Variants in SERGEF observed in about 807,000 individuals in gnomAD.
The protein encoded by SERGEF is secretion regulating guanine nucleotide exchange factor.
SERGEF carries 51 observed loss-of-function variants against 50.0 expected under a neutral mutation model. The observed-to-expected ratio is 1.02, with a 90% CI of 0.81 to 1.29. The LOEUF is 1.29. Among genes scored for constraint, SERGEF ranks in the 50% most tolerant of loss-of-function variants. SERGEF has a pLI of 0.00. For synonymous variants in SERGEF, 205 were observed against 212.4 expected (o/e 0.97, Z 0.30); for missense variants, 521 against 557.0 (o/e 0.94, Z 0.65).
At chr11:18,005,801 T>C (rs966117777) in intron 3 of SERGEF, among the ~76,000 whole-genome samples, 1 of 152,088 alleles carries the variant, frequency 6.6e-6, no homozygotes, top group Non-Finnish European at 1.5e-5. Flanking sequence ...TCCTGCTACC[T>C]GGCTTCACAA....
At chr11:17,950,666 C>G (rs1852758235) in intron 9 of SERGEF, among the ~76,000 whole-genome samples, 2 of 152,136 alleles carry the variant, frequency 1.3e-5, no homozygotes, top group South Asian at 4.1e-4. Flanking sequence ...CCCTGACAAG[C>G]CAATTCATGT....
chr11:18,006,746 T>C lies in SERGEF; in HGVS notation c.197A>G (p.Asp66Gly). The change falls in exon 3 of 11, where the codon GAT becomes GGT. Residue 66 changes from aspartate to glycine, a missense_variant and splice_region_variant. By Grantham distance (94) the Asp-to-Gly change is moderately conservative. Coordinates refer to ENST00000265965, the MANE Select transcript of SERGEF (RefSeq NM_012139.4). ...GCCACAAACAAAGAGGTCTCCTCCA[T>C]CTGCAAAATATAAAGGCATCAGTGA... ...GGGGHSAVVT[D>G]GGDLFVCGLN... 6.2e-7 allele frequency: 1 copy of C among 1,614,040 alleles called. No homozygotes were observed. Among genetic ancestry groups the C allele is most frequent in the African/African-American group, 1.3e-5 (1 of 75,028 alleles).
In SERGEF at chr11:17,888,516, C is replaced by T. The variant is rs903338257; in HGVS notation, c.1012-10272G>A. On this transcript the variant is annotated intron_variant, in intron 9 of 10. Coordinates refer to ENST00000265965, the MANE Select transcript of SERGEF (RefSeq NM_012139.4). The surrounding 1 kb of genome is among the most constrained non-coding windows in gnomAD (Gnocchi z 4.1). ...GGAAATATATGAATGTTGCTAGGAGCCAGAATGCTCACTGTAGTTGAAGGA... is the reference window on the plus strand; with the variant it reads ...GGAAATATATGAATGTTGCTAGGAGTCAGAATGCTCACTGTAGTTGAAGGA... 3.3e-5 allele frequency among the ~76,000 whole-genome samples: 5 copies of T among 151,780 alleles called. No individual in the cohort carries two copies. The highest frequency in any genetic ancestry group is 7.4e-5 in the Non-Finnish European group (5 of 67,992).
intron 10 of SERGEF, among the ~76,000 whole-genome samples, chr11:17,859,305 T>C (rs1341079528): frequency 6.6e-6 from 1 of 151,996 alleles, no homozygotes; most frequent in African/African-American, 2.4e-5. Flanking sequence ...GGATTAAAAA[T>C]AAGAAAGAAC....
Position 17,888,507 on chromosome 11 carries a change from T to C in SERGEF, c.1012-10263A>G, listed in dbSNP as rs982854275. On this transcript the variant is annotated intron_variant, in intron 9 of 10. Transcript: ENST00000265965. This position sits in a 1 kb window ranked among gnomAD's most constrained non-coding sequence, Gnocchi z 4.1. ...TGCAAATGAGGAAATATATGAATGTTGCTAGGAGCCAGAATGCTCACTGTA... is the reference window on the plus strand; with the variant it reads ...TGCAAATGAGGAAATATATGAATGTCGCTAGGAGCCAGAATGCTCACTGTA... 3.3e-5 allele frequency among the ~76,000 whole-genome samples: 5 copies of C among 152,162 alleles called. No homozygotes were observed. Among genetic ancestry groups the C allele is most frequent in the Admixed American group, 3.3e-4 (5 of 15,280 alleles).
chr11:17,970,288 C>T (rs1853219250), intron 8 of SERGEF, among the ~76,000 whole-genome samples: 1 of 152,132 alleles, frequency 6.6e-6, no homozygotes, highest in Admixed American at 6.6e-5. Context: ...GATCTGTAAT[C>T]AATGATCATT....
intron 5 of SERGEF, 87 bp from the exon 6 acceptor site, chr11:17,995,996 T>C: frequency 1.1e-6 from 1 of 885,792 alleles, no homozygotes; most frequent in Non-Finnish European, 1.8e-6. Context: ...CTATGAGAAA[T>C]TCCCAATTCT....
chr11:17,878,466 T>A (rs1277153717), intron 9 of SERGEF, among the ~76,000 whole-genome samples: 1 of 152,214 alleles, frequency 6.6e-6, no homozygotes, highest in Non-Finnish European at 1.5e-5. Context: ...CATCAGATAT[T>A]AAAGTTGTCT....
At position 17,788,370 on chromosome 11, in the gene SERGEF, G is replaced by T. The variant is rs762174508; in HGVS notation, c.1092C>A (p.Cys364Ter). Reference sequence around the variant, plus strand: ...AGACGTTGGCTTCAGTGCCATCTCCGCACATGCCATGCTCATTCCAGCCCC... The same window carrying T: ...AGACGTTGGCTTCAGTGCCATCTCCTCACATGCCATGCTCATTCCAGCCCC... ...YSWGWNEHGM[C>*]GDGTEANVWA... The change falls in exon 11 of 11, where the codon TGC (cysteine) becomes TGA (stop). Residue 364 changes from cysteine to a stop codon, truncating the protein, a stop_gained. Coordinates refer to ENST00000265965, the MANE Select transcript of SERGEF (RefSeq NM_012139.4). LOFTEE classifies it low-confidence loss of function (END_TRUNC). 7 of 1,613,574 alleles carry T rather than the reference G, an allele frequency of 4.3e-6. No homozygotes were observed. Among genetic ancestry groups the T allele is most frequent in the Non-Finnish European group, 5.9e-6 (7 of 1,179,618 alleles).
intron 10 of SERGEF, among the ~76,000 whole-genome samples, chr11:17,804,460 T>C (rs116253437): frequency 2.3e-3 from 357 of 152,290 alleles, no homozygotes; most frequent in African/African-American, 8.3e-3. Flanking sequence ...TCTAGAGGCT[T>C]CCCTAGAAGA....
chr11:17,865,486 C>T (rs1470158947), intron 10 of SERGEF, among the ~76,000 whole-genome samples: 3 of 151,982 alleles, frequency 2.0e-5, no homozygotes, highest in Non-Finnish European at 4.4e-5. Flanking sequence ...GAGATGATGG[C>T]TCCATACATG....
chr11:17,896,893 G>T (rs1265193181), intron 9 of SERGEF, among the ~76,000 whole-genome samples: 13 of 43,174 alleles, frequency 3.0e-4, no homozygotes, highest in African/African-American at 1.5e-3. Context: ...GAAGGGAAGG[G>T]AAGGGAAGGG....
At chr11:17,998,068 T>A (rs1222691605) in intron 5 of SERGEF, among the ~76,000 whole-genome samples, 1 of 151,972 alleles carries the variant, frequency 6.6e-6, no homozygotes, top group African/African-American at 2.4e-5. Flanking sequence ...AATAATTTTT[T>A]AAAAAAAGAA....
rs374323599 is a variant in SERGEF at position 17,877,504 on chromosome 11, G to C, written c.1048+704C>G. Among the ~76,000 whole-genome samples the C allele has an allele frequency of 2.4e-4, 37 of 152,298 alleles. 1 individual carries two copies. In the South Asian group the frequency reaches 7.1e-3, roughly 29 times the overall value. ...ATTGCCCTCCCCATTTTAAAGATGA[G>C]CATAGAGAAGTCAATACCTTGTCCA... On this transcript the variant is annotated intron_variant, in intron 10 of 10. Transcript: ENST00000265965.
intron 9 of SERGEF, among the ~76,000 whole-genome samples, chr11:17,896,888 G>T (rs1341944178): frequency 8.0e-5 from 2 of 24,984 alleles, no homozygotes; most frequent in African/African-American, 3.9e-4. Context: ...GAAGGGAAGG[G>T]AAGGGAAGGG....
chr11:17,998,440 C>CATAT (rs60861006), intron 5 of SERGEF, among the ~76,000 whole-genome samples: 1 of 33,748 alleles, frequency 3.0e-5, no homozygotes, highest in African/African-American at 1.7e-4. Context: ...TACATACATA[C>CATAT]ATATATATAT....
intron 8 of SERGEF, among the ~76,000 whole-genome samples, chr11:17,982,563 G>T (rs1160118587): frequency 6.6e-6 from 1 of 152,132 alleles, no homozygotes. Flanking sequence ...CCCCAGGCTT[G>T]GTTGAAGTTT....
intron 8 of SERGEF, among the ~76,000 whole-genome samples, chr11:17,962,131 G>A (rs1853015336): frequency 6.6e-6 from 1 of 152,180 alleles, no homozygotes. Context: ...CACAGCTGCT[G>A]TCCCAAACTG....
intron 8 of SERGEF, among the ~76,000 whole-genome samples, chr11:17,962,438 G>A (rs1221317648): frequency 2.0e-5 from 3 of 152,110 alleles, no homozygotes; most frequent in Non-Finnish European, 2.9e-5. Flanking sequence ...AATCCAGGGA[G>A]ATTCAAATCA....
Sources: allele counts gnomAD v4.1 joint callset (sites outside exome capture counted in the v4.1 genomes callset), GRCh38; gene constraint gnomAD v4.1.1; non-coding constraint Gnocchi (gnomAD v3.1); transcripts MANE v1.5; gene names NCBI Gene and HGNC (gene_info 2026-07-23, HGNC 2026-07-21).